MAP3K19: variants seen among roughly 807,000 people sequenced by gnomAD.
MAP3K19 encodes the protein mitogen-activated protein kinase kinase kinase 19.
Under a neutral mutation model 114.4 loss-of-function variants are expected in MAP3K19, and 91 were observed. That is an observed-to-expected ratio of 0.80 (90% CI 0.67 to 0.95). The LOEUF is 0.95. Ranked by LOEUF, MAP3K19 falls within the 40% of genes least tolerant of loss-of-function variation. The pLI is 0.00. For missense variants in MAP3K19, 1,471 were observed against 1,573.2 expected (o/e 0.94, Z 1.10); for synonymous variants, 518 against 530.5 (o/e 0.98, Z 0.32).
intron 5 of MAP3K19, among the ~76,000 whole-genome samples, chr2:135,016,122 T>A (rs4645053): frequency 0.25 from 37,923 of 151,972 alleles, 6,133 homozygotes; most frequent in African/African-American, 0.43. Flanking sequence ...CCGGGAATGG[T>A]GGCATGTGCC....
intron 1 of MAP3K19, among the ~76,000 whole-genome samples, chr2:135,041,739 T>A (rs529367362): frequency 3.3e-5 from 5 of 152,220 alleles, no homozygotes; most frequent in African/African-American, 4.8e-5. Flanking sequence ...ATTGATTCGA[T>A]GTGCAATTTC....
chr2:134,967,884 T>A (rs568475329), intron 12 of MAP3K19, among the ~76,000 whole-genome samples: 55 of 151,618 alleles, frequency 3.6e-4, no homozygotes, highest in South Asian at 3.3e-3. Context: ...TTTTTATTGA[T>A]CATTCTTGGG....
At chr2:134,970,580 T>A (rs1683795778) in intron 12 of MAP3K19, among the ~76,000 whole-genome samples, 1 of 151,464 alleles carries the variant, frequency 6.6e-6, no homozygotes, top group Non-Finnish European at 1.5e-5. Flanking sequence ...GCTTTCTCTT[T>A]TCCAGTTTGA....
chr2:134,969,223 G>T (rs1157360221), intron 12 of MAP3K19, among the ~76,000 whole-genome samples: 1 of 152,092 alleles, frequency 6.6e-6, no homozygotes, highest in East Asian at 1.9e-4. Flanking sequence ...GTGGCGGCGC[G>T]TGCCTGTAAT....
At chr2:134,984,140 A>C (rs1684920076) in intron 10 of MAP3K19, among the ~76,000 whole-genome samples, 1 of 152,186 alleles carries the variant, frequency 6.6e-6, no homozygotes, top group Admixed American at 6.5e-5. Flanking sequence ...ATTATCTTTC[A>C]CAAGGTCCCT....
At position 134,999,857 on chromosome 2, in the gene MAP3K19, A is replaced by G; in HGVS notation, c.314+80T>C. On this transcript the variant is annotated intron_variant, in intron 7 of 12. Transcript: ENST00000392915. The surrounding 1 kb of genome is among the most constrained non-coding windows in gnomAD (Gnocchi z 4.1). ...TTTAAGCATTATTATGGATTCAATT[A>G]CTAATAATGTAGGTTGCCATATGAC... is the stretch of plus-strand genomic sequence containing the variant. The G allele has an allele frequency of 3.3e-6, 3 of 908,610 alleles. No individual in the cohort carries two copies. The South Asian group carries it at 4.1e-5, about 12-fold the overall frequency. 56.3% of individuals were successfully genotyped at this position (908,610 alleles called of 1,614,324 possible).
chr2:135,028,948 T>A (rs968802094), intron 3 of MAP3K19, among the ~76,000 whole-genome samples: 1 of 152,148 alleles, frequency 6.6e-6, no homozygotes, highest in Non-Finnish European at 1.5e-5. Flanking sequence ...AATATGAAAA[T>A]TTTGAACTGA....
At chr2:134,989,014 TC>T (rs1685373546) in intron 9 of MAP3K19, among the ~76,000 whole-genome samples, 1 of 152,198 alleles carries the variant, frequency 6.6e-6, no homozygotes, top group African/African-American at 2.4e-5. Flanking sequence ...CTACTCACCA[TC>T]GTTTTGCTGA....
chr2:134,992,460 T>C (rs1318017475), intron 8 of MAP3K19, among the ~76,000 whole-genome samples: 1 of 152,144 alleles, frequency 6.6e-6, no homozygotes, highest in Non-Finnish European at 1.5e-5. Flanking sequence ...TTCTGCATAG[T>C]TTGGACTTTC....
intron 12 of MAP3K19, among the ~76,000 whole-genome samples, chr2:134,976,654 A>G (rs951969170): frequency 6.6e-6 from 1 of 152,142 alleles, no homozygotes; most frequent in African/African-American, 2.4e-5. Context: ...TGAAAGCACA[A>G]TGGCCACCAG....
intron 12 of MAP3K19, among the ~76,000 whole-genome samples, chr2:134,969,029 G>A (rs1157760042): frequency 6.6e-6 from 1 of 152,200 alleles, no homozygotes; most frequent in Non-Finnish European, 1.5e-5. Flanking sequence ...AGCGAACCGG[G>A]ATCACGCCGC....
At chr2:134,988,526 G>A (rs1260170684) in intron 9 of MAP3K19, among the ~76,000 whole-genome samples, 1 of 151,992 alleles carries the variant, frequency 6.6e-6, no homozygotes, top group Non-Finnish European at 1.5e-5. Context: ...AAGTAGCTGG[G>A]ACTGCAGGCA....
At position 134,987,784 on chromosome 2, in the gene MAP3K19, T is replaced by TTC. The variant is rs761504625; in HGVS notation, c.1086_1087dup (p.Asn363ArgfsTer15). 2 of 1,607,610 alleles carry TTC rather than the reference T, an allele frequency of 1.2e-6. No homozygotes were observed. Among genetic ancestry groups the TTC allele is most frequent in the Admixed American group, 3.3e-5 (2 of 60,008 alleles). ...CTTTCTTGATGAAAGATATTGAGAG[T>TTC]TCTCTTCTTCAGGTTTTCGCGTTTT... On this transcript the variant is annotated frameshift_variant, in exon 10 of 13. Coordinates refer to ENST00000392915, the MANE Select transcript of MAP3K19 (RefSeq NM_025052.5). LOFTEE classifies it high-confidence loss of function.
chr2:135,032,140 T>C (rs1275470245), intron 2 of MAP3K19, among the ~76,000 whole-genome samples: 1 of 152,002 alleles, frequency 6.6e-6, no homozygotes, highest in Non-Finnish European at 1.5e-5. Flanking sequence ...GGGTGGATCA[T>C]GAGGTCAGGA....
chr2:135,011,335 A>AGAC (rs1026445171), intron 5 of MAP3K19, among the ~76,000 whole-genome samples: 7 of 151,550 alleles, frequency 4.6e-5, no homozygotes, highest in African/African-American at 4.9e-5. Context: ...CAGGAGATCG[A>AGAC]GACCATCCTG....
At position 134,979,443 on chromosome 2, in the gene MAP3K19, C is replaced by CGT. The variant is rs59337402; in HGVS notation, c.3920+1376_3920+1377dup. 9.8e-3 allele frequency among the ~76,000 whole-genome samples: 1,437 copies of CGT among 146,862 alleles called. 17 individuals are homozygous for CGT. Among genetic ancestry groups the CGT allele is most frequent in the African/African-American group, 0.022 (896 of 40,044 alleles). On this transcript the variant is annotated intron_variant, in intron 12 of 12. Coordinates refer to ENST00000392915, the MANE Select transcript of MAP3K19 (RefSeq NM_025052.5). ...TCCACCCTTTCTCTTTAAAGTGCTT[C>CGT]GTGTGTGTGTGTGTGTGTGTGTGTG...
chr2:135,009,510 G>A (rs1447744184), intron 5 of MAP3K19, among the ~76,000 whole-genome samples: 2 of 152,024 alleles, frequency 1.3e-5, no homozygotes, highest in Non-Finnish European at 2.9e-5. Flanking sequence ...AAATTTTTAT[G>A]CTGAGCTTTG....
intron 5 of MAP3K19, among the ~76,000 whole-genome samples, chr2:135,009,637 G>T (rs1687075985): frequency 6.6e-6 from 1 of 152,114 alleles, no homozygotes; most frequent in African/African-American, 2.4e-5. Context: ...TTGTCAGTTG[G>T]TCCTGTAGGA....
At chr2:134,968,537 C>G (rs1683583799) in intron 12 of MAP3K19, among the ~76,000 whole-genome samples, 2 of 150,328 alleles carry the variant, frequency 1.3e-5, no homozygotes, top group South Asian at 2.1e-4. Flanking sequence ...GGCGGAGACG[C>G]TCCTCACTTC....
Sources: gnomAD v4.1 joint callset for allele counts (sites outside exome capture counted in the v4.1 genomes callset) on GRCh38, gnomAD v4.1.1 for gene constraint, Gnocchi (gnomAD v3.1) non-coding constraint, MANE v1.5 for transcripts, NCBI Gene and HGNC (gene_info 2026-07-23, HGNC 2026-07-21) for gene names.